Variants in MYOM1 observed in about 807,000 individuals in gnomAD.
MYOM1 encodes myomesin-1.
MYOM1 carries 164 observed loss-of-function variants against 205.3 expected under a neutral mutation model. That is an observed-to-expected ratio of 0.80 (90% CI 0.70 to 0.91). The LOEUF is 0.91. MYOM1 is among the 40% of genes least tolerant of loss of function. The probability of loss-of-function intolerance (pLI) is 0.00; values close to 1 mark genes in which losing one functional copy is unlikely to be tolerated. For synonymous variants in MYOM1, 772 were observed against 789.4 expected (o/e 0.98, Z 0.37); for missense variants, 2,011 against 2,127.3 (o/e 0.95, Z 1.08).
At chr18:3,073,738 C>G (rs1383490979) in intron 36 of MYOM1, among the ~76,000 whole-genome samples, 1 of 152,212 alleles carries the variant, frequency 6.6e-6, no homozygotes, top group Non-Finnish European at 1.5e-5. Flanking sequence ...CCCACATGTG[C>G]ATTGGGGGAA....
rs920588035 is a variant in MYOM1, at chr18:3,179,202, G to A, written c.930-3068C>T. Among the ~76,000 whole-genome samples, 19 of 152,160 alleles carry A rather than the reference G, an allele frequency of 1.2e-4. No homozygotes were observed. The highest frequency in any genetic ancestry group is 4.6e-4 in the African/African-American group (19 of 41,506). ...ATTTACTTCTATTCCTACTCCTGAG[G>A]AAGAATGAGTCATGGGCAAACAGCA... On this transcript the variant is annotated intron_variant, in intron 5 of 37. Transcript: ENST00000356443. The surrounding 1 kb of genome is among the most constrained non-coding windows in gnomAD (Gnocchi z 4.4).
In MYOM1 at chr18:3,192,285, G is replaced by A. The variant is rs200599084; in HGVS notation, c.431+1533C>T. ...GAGTTACATTAAGCTACTGTGAAGAGGTCAAAAGGCTGGGCATCCATACTT... is the reference window on the plus strand; with the variant it reads ...GAGTTACATTAAGCTACTGTGAAGAAGTCAAAAGGCTGGGCATCCATACTT... On this transcript the variant is annotated intron_variant, in intron 3 of 37. Coordinates refer to ENST00000356443, the MANE Select transcript of MYOM1 (RefSeq NM_003803.4). 5.9e-5 allele frequency among the ~76,000 whole-genome samples: 9 copies of A among 152,274 alleles called. No homozygotes were observed. The East Asian group carries it at 1.7e-3, about 29-fold the overall frequency.
chr18:3,233,111 T>C, the MYOM1 span, among the ~76,000 whole-genome samples: 1 of 152,212 alleles, frequency 6.6e-6, no homozygotes, highest in Non-Finnish European at 1.5e-5. Context: ...TGGACAATAG[T>C]TTTTATTGTG....
intron 29 of MYOM1, among the ~76,000 whole-genome samples, chr18:3,088,064 G>A (rs911797720): frequency 2.0e-5 from 3 of 152,144 alleles, no homozygotes; most frequent in Non-Finnish European, 2.9e-5. Flanking sequence ...GCATTGGAAC[G>A]ACAGCATAAC....
At chr18:3,203,129 T>C (rs2081087231) in intron 2 of MYOM1, among the ~76,000 whole-genome samples, 1 of 151,528 alleles carries the variant, frequency 6.6e-6, no homozygotes, top group African/African-American at 2.4e-5. Flanking sequence ...TTAAAATATA[T>C]GGGATACAGC....
intron 16 of MYOM1, among the ~76,000 whole-genome samples, chr18:3,132,116 G>GAGTA (rs142869304): frequency 2.9e-5 from 2 of 68,472 alleles, no homozygotes; most frequent in African/African-American, 1.0e-4. Flanking sequence ...ATATATGTGT[G>GAGTA]TGTATATATA....
chr18:3,113,332 A>ATG (rs1308454166), intron 21 of MYOM1, among the ~76,000 whole-genome samples: 6 of 6,534 alleles, frequency 9.2e-4, no homozygotes, highest in East Asian at 0.056. Context: ...ATATATATAT[A>ATG]TATGTATGTA....
At chr18:3,237,055 C>T in the MYOM1 span, among the ~76,000 whole-genome samples, 1 of 151,936 alleles carries the variant, frequency 6.6e-6, no homozygotes, top group Non-Finnish European at 1.5e-5. Flanking sequence ...TTGACGAGCA[C>T]ACATTTGATG....
chr18:3,235,351 A>T, the MYOM1 span, among the ~76,000 whole-genome samples: 1 of 152,160 alleles, frequency 6.6e-6, no homozygotes, highest in Admixed American at 6.5e-5. Context: ...TCTGTCAGAA[A>T]TCTTGAGCTT....
rs1567922078 is a variant in MYOM1 at position 3,129,448 on chromosome 18, G to T, written c.2578C>A (p.Arg860Ser). 2.5e-6 allele frequency: 4 copies of T among 1,613,904 alleles called. No homozygotes were observed. Among genetic ancestry groups the T allele is most frequent in the Non-Finnish European group, 3.4e-6 (4 of 1,179,854 alleles). Residue 860 changes from arginine to serine, a missense_variant, in exon 18 of 38, where the codon CGC becomes AGC. Arg to Ser is a moderately radical substitution (Grantham distance 110, BLOSUM62 -1). Transcript: ENST00000356443. ...GTTGGCGGGGAGGCTTCATGCACGCGCCCCCTGGAGGCGGTTAGTCCACCA... is the reference window on the plus strand; with the variant it reads ...GTTGGCGGGGAGGCTTCATGCACGCTCCCCCTGGAGGCGGTTAGTCCACCA... ...EPGGLTASRG[R>S]VHEASPPTFQ...
At chr18:3,141,412 T>C (rs901816731) in intron 14 of MYOM1, among the ~76,000 whole-genome samples, 2 of 152,230 alleles carry the variant, frequency 1.3e-5, no homozygotes, top group Non-Finnish European at 2.9e-5. Flanking sequence ...TTGTGATCCC[T>C]GACCTCATTC....
At chr18:3,077,189 T>A (rs2079029976) in intron 34 of MYOM1, among the ~76,000 whole-genome samples, 1 of 152,024 alleles carries the variant, frequency 6.6e-6, no homozygotes, top group South Asian at 2.1e-4. Context: ...TTTTTACATT[T>A]TTTTTATTTT....
chr18:3,113,068 G>T (rs1241529087), intron 21 of MYOM1, among the ~76,000 whole-genome samples: 1 of 145,584 alleles, frequency 6.9e-6, no homozygotes, highest in African/African-American at 2.5e-5. Flanking sequence ...TAATGATCAA[G>T]ATGTGTGCTG....
intron 37 of MYOM1, among the ~76,000 whole-genome samples, chr18:3,069,338 A>G (rs1314851543): frequency 2.6e-5 from 4 of 152,214 alleles, no homozygotes; most frequent in African/African-American, 9.6e-5. Flanking sequence ...TTAAAATTCC[A>G]TTCTTGTATT....
Position 3,215,014 on chromosome 18 carries a change from C to CT in MYOM1, c.209dup (p.Gln71AlafsTer11), listed in dbSNP as rs759561881. The CT allele has an allele frequency of 6.2e-7, 1 of 1,612,370 alleles. No individual in the cohort carries two copies. Among genetic ancestry groups the CT allele is most frequent in the Non-Finnish European group, 8.5e-7 (1 of 1,179,170 alleles). ...TCAGGGCGTGCTGCGAGGCCTGCTG[C>CT]TGGGAGGAGGAGGCGGACGCCCGAC... On this transcript the variant is annotated frameshift_variant, in exon 2 of 38. Coordinates refer to ENST00000356443, the MANE Select transcript of MYOM1 (RefSeq NM_003803.4). LOFTEE classifies it high-confidence loss of function.
At chr18:3,155,435 A>G (rs192385811) in intron 10 of MYOM1, among the ~76,000 whole-genome samples, 1,682 of 152,300 alleles carry the variant, frequency 0.011, 32 homozygotes, top group African/African-American at 0.036. Context: ...CGTGTTAGCC[A>G]GGATGGTCTT....
At chr18:3,203,938 CA>C (rs2081099247) in intron 2 of MYOM1, among the ~76,000 whole-genome samples, 1 of 151,860 alleles carries the variant, frequency 6.6e-6, no homozygotes, top group South Asian at 2.1e-4. Flanking sequence ...CCCAGAAATG[CA>C]AGGTTGATTT....
Position 3,215,121 on chromosome 18 carries a change from G to A in MYOM1, c.103C>T (p.Arg35Cys). The A allele has an allele frequency of 1.2e-6, 2 of 1,613,812 alleles. No homozygotes were observed. Among genetic ancestry groups the A allele is most frequent in the South Asian group, 1.1e-5 (1 of 91,064 alleles). Residue 35 changes from arginine to cysteine, a missense_variant, in exon 2 of 38, where the codon CGC becomes TGC. Arg to Cys is a radical substitution (Grantham distance 180). Transcript: ENST00000356443. ...GAGCCCTGGGTGTAGACGGCGGAGC[G>A]TTTCTTCTCCCGCTGGTAGTGACTC... ...TVSHYQREKK[R>C]SAVYTQGSTA...
chr18:3,154,839 G>A (rs1164899816), intron 11 of MYOM1, 108 bp downstream of exon 11: 2 of 1,198,792 alleles, frequency 1.7e-6, no homozygotes, highest in Non-Finnish European at 2.3e-6. Context: ...AGAAAGAGGA[G>A]GAGAGGAAAG....
Sources: allele counts gnomAD v4.1 joint callset (sites outside exome capture counted in the v4.1 genomes callset), GRCh38; gene constraint gnomAD v4.1.1; non-coding constraint Gnocchi (gnomAD v3.1); transcripts MANE v1.5; gene names NCBI Gene and HGNC (gene_info 2026-07-23, HGNC 2026-07-21).